Variants in GALNTL6 observed in about 807,000 individuals in gnomAD.
GALNTL6 encodes the protein polypeptide N-acetylgalactosaminyltransferase-like 6.
Under a neutral mutation model 73.7 loss-of-function variants are expected in GALNTL6, and 46 were observed. That is an observed-to-expected ratio of 0.62 (90% CI 0.49 to 0.80). GALNTL6 has a LOEUF of 0.80. Ranked by LOEUF, GALNTL6 falls within the 30% of genes least tolerant of loss-of-function variation. The pLI is 0.00. For synonymous variants in GALNTL6, 259 were observed against 263.7 expected (o/e 0.98, Z 0.17); for missense variants, 604 against 755.0 (o/e 0.80, Z 2.34).
intron 2 of GALNTL6, among the ~76,000 whole-genome samples, chr4:171,975,557 T>G (rs1739696038): frequency 6.6e-6 from 1 of 152,106 alleles, no homozygotes; most frequent in Non-Finnish European, 1.5e-5. Flanking sequence ...GGCTAGTTTT[T>G]CATTGAATTG....
chr4:172,772,333 G>A (rs1380388013), intron 5 of GALNTL6, among the ~76,000 whole-genome samples: 6 of 152,158 alleles, frequency 3.9e-5, no homozygotes, highest in Non-Finnish European at 8.8e-5. Flanking sequence ...TTCTCAGCAC[G>A]TTCAGAGCTA....
At chr4:172,540,140 T>G (rs1188399793) in intron 5 of GALNTL6, among the ~76,000 whole-genome samples, 2 of 149,492 alleles carry the variant, frequency 1.3e-5, no homozygotes, top group South Asian at 4.3e-4. Context: ...AACCTCTGCC[T>G]CCCAGGTTCA....
At chr4:172,518,873 T>G (rs1297870672) in intron 5 of GALNTL6, among the ~76,000 whole-genome samples, 1 of 151,786 alleles carries the variant, frequency 6.6e-6, no homozygotes, top group Non-Finnish European at 1.5e-5. Flanking sequence ...TCAATTTGAG[T>G]GTAGGAAATA....
At chr4:172,822,912 A>C (rs1742020829) in intron 7 of GALNTL6, among the ~76,000 whole-genome samples, 2 of 152,200 alleles carry the variant, frequency 1.3e-5, no homozygotes, top group Non-Finnish European at 2.9e-5. Flanking sequence ...TACCCTTAAG[A>C]TGTGACTTGA....
intron 5 of GALNTL6, among the ~76,000 whole-genome samples, chr4:172,800,041 C>T (rs553789423): frequency 4.6e-5 from 7 of 152,206 alleles, no homozygotes; most frequent in African/African-American, 1.7e-4. Flanking sequence ...TATGATACCA[C>T]AGATATGAGT....
At chr4:171,963,788 G>C (rs975873862) in intron 2 of GALNTL6, among the ~76,000 whole-genome samples, 3 of 141,236 alleles carry the variant, frequency 2.1e-5, no homozygotes, top group African/African-American at 9.2e-5. Context: ...TACAGGAAGA[G>C]AGAGAATAAA....
intron 2 of GALNTL6, among the ~76,000 whole-genome samples, chr4:172,197,912 A>G (rs1735824228): frequency 6.6e-6 from 1 of 152,164 alleles, no homozygotes; most frequent in South Asian, 2.1e-4. Context: ...GATCGAGACC[A>G]TCCTGGCTAA....
chr4:172,804,547 C>G (rs904198780), intron 5 of GALNTL6, among the ~76,000 whole-genome samples: 1 of 152,170 alleles, frequency 6.6e-6, no homozygotes, highest in African/African-American at 2.4e-5. Flanking sequence ...AACTAAGCAA[C>G]TAGTGGCTGG....
At position 172,396,272 on chromosome 4, in the gene GALNTL6, G is replaced by A. The variant is rs141845939; in HGVS notation, c.553+47583G>A. Among the ~76,000 whole-genome samples the A allele has an allele frequency of 2.9e-3, 440 of 151,218 alleles. 1 individual carries two copies. Among genetic ancestry groups the A allele is most frequent in the Non-Finnish European group, 3.5e-3 (237 of 67,844 alleles). Reference sequence around the variant, plus strand: ...GTTGCCAGGAAACTTGCCTTCTTCCGATCTAAAGCGTGCGTAACTGCAATT... The same window carrying A: ...GTTGCCAGGAAACTTGCCTTCTTCCAATCTAAAGCGTGCGTAACTGCAATT... On this transcript the variant is annotated intron_variant, in intron 5 of 12. Transcript: ENST00000506823.
At chr4:172,548,101 G>A (rs1473285482) in intron 5 of GALNTL6, among the ~76,000 whole-genome samples, 1 of 152,250 alleles carries the variant, frequency 6.6e-6, no homozygotes, top group Non-Finnish European at 1.5e-5. Context: ...TACAGAACAC[G>A]GAGAAGGTTC....
intron 2 of GALNTL6, among the ~76,000 whole-genome samples, chr4:172,176,261 A>AC: frequency 7.3e-6 from 1 of 136,664 alleles, no homozygotes; most frequent in Non-Finnish European, 1.5e-5. Flanking sequence ...AATGGCGTGA[A>AC]CCTGCGAGGC....
intron 2 of GALNTL6, among the ~76,000 whole-genome samples, chr4:172,078,529 C>T (rs969065448): frequency 6.6e-6 from 1 of 152,054 alleles, no homozygotes; most frequent in African/African-American, 2.4e-5. Flanking sequence ...ATGTTGGTAG[C>T]TAGTAAACTA....
chr4:172,573,645 G>A (rs1736850588), intron 5 of GALNTL6, among the ~76,000 whole-genome samples: 1 of 152,126 alleles, frequency 6.6e-6, no homozygotes, highest in African/African-American at 2.4e-5. Context: ...GTATTGGCCT[G>A]AAAAGGGTTT....
intron 5 of GALNTL6, among the ~76,000 whole-genome samples, chr4:172,530,405 T>C (rs1427571105): frequency 6.6e-6 from 1 of 152,232 alleles, no homozygotes; most frequent in Non-Finnish European, 1.5e-5. Context: ...ATGTCAAGTA[T>C]TCAGATATAA....
In GALNTL6 at chr4:172,583,920, A is replaced by AT. The variant is rs1553962814; in HGVS notation, c.554-225440dup. 7.6e-3 allele frequency among the ~76,000 whole-genome samples: 1,026 copies of AT among 135,314 alleles called. 137 individuals carry two copies. The highest frequency in any genetic ancestry group is 0.02 in the South Asian group (84 of 4,174). 88.8% of individuals were successfully genotyped at this position (135,314 alleles called of 152,430 possible). A position where few individuals can be genotyped will look rare whatever the true frequency, so the allele number is the denominator to read the frequency against. The stretch of plus-strand genomic sequence containing the variant: ...AAAAAAAAAAAAAAAAAAAAAAAAA[A>AT]TCAGATGCTGGGCAGTAGAACGCAA... On this transcript the variant is annotated intron_variant, in intron 5 of 12. Coordinates refer to ENST00000506823, the MANE Select transcript of GALNTL6 (RefSeq NM_001034845.3).
intron 5 of GALNTL6, chr4:172,666,938 G>A (rs1022380676): frequency 6.6e-6 from 1 of 152,204 alleles, no homozygotes; most frequent in Admixed American, 6.5e-5. Flanking sequence ...TGAGGAGGGT[G>A]AATCATCGTG....
At chr4:171,819,901 G>T (rs982272050) in intron 2 of GALNTL6, among the ~76,000 whole-genome samples, 5 of 152,136 alleles carry the variant, frequency 3.3e-5, no homozygotes, top group Middle Eastern at 3.4e-3. Flanking sequence ...GCTCATATTT[G>T]CATGTGTTTA....
intron 5 of GALNTL6, among the ~76,000 whole-genome samples, chr4:172,672,654 GTT>G (rs55695955): frequency 6.6e-6 from 1 of 151,810 alleles, no homozygotes; most frequent in East Asian, 1.9e-4. Flanking sequence ...TGGGCTTTTT[GTT>G]TTTTTTTGCA....
intron 5 of GALNTL6, among the ~76,000 whole-genome samples, chr4:172,766,375 G>A (rs982874156): frequency 2.0e-5 from 3 of 152,066 alleles, no homozygotes; most frequent in Non-Finnish European, 4.4e-5. Flanking sequence ...CCGAGTCTAT[G>A]TTGCAAAAAG....
Sources: allele counts gnomAD v4.1 joint callset (sites outside exome capture counted in the v4.1 genomes callset), GRCh38; gene constraint gnomAD v4.1.1; transcripts MANE v1.5; gene names NCBI Gene and HGNC (gene_info 2026-07-23, HGNC 2026-07-21).